Variants in ALS2 observed in about 807,000 individuals in gnomAD.
ALS2 encodes alsin.
In ALS2, 117 loss-of-function variants were observed where a neutral mutation model predicts 203.4. The observed-to-expected ratio is 0.58, with a 90% CI of 0.50 to 0.67. The LOEUF (loss-of-function observed/expected upper bound fraction) is 0.67, where lower values mean the gene tolerates loss of function less well. ALS2 is among the 30% of genes least tolerant of loss of function. ALS2 has a pLI of 0.00. For synonymous variants in ALS2, 718 were observed against 725.9 expected (o/e 0.99, Z 0.17); for missense variants, 1,715 against 1,989.4 (o/e 0.86, Z 2.62).
At chr2:201,719,865 G>A (rs533001365) in intron 23 of ALS2, 154 of 191,080 alleles carry the variant, frequency 8.1e-4, no homozygotes, top group Non-Finnish European at 1.4e-3. Flanking sequence ...AGATAACATA[G>A]AGAAATAGAA....
intron 4 of ALS2, 128 bp from the exon 5 acceptor site, chr2:201,757,887 C>T: frequency 4.3e-6 from 3 of 697,372 alleles, no homozygotes; most frequent in South Asian, 2.0e-5. Flanking sequence ...AAGTTCTCTT[C>T]ATCTTCAACT....
At position 201,727,569 on chromosome 2, in the gene ALS2, G is replaced by A; in HGVS notation, c.2912+136C>T. On this transcript the variant is annotated intron_variant, in intron 16 of 33. Coordinates refer to ENST00000264276, the MANE Select transcript of ALS2 (RefSeq NM_020919.4). ...TCAATAGACTACTTTACTGTCTAAT[G>A]TGCTGAGAGGTGGGCCTCATTATAC... is the stretch of plus-strand genomic sequence containing the variant. 1.4e-5 allele frequency: 11 copies of A among 782,566 alleles called. No individual in the cohort carries two copies. The South Asian group carries it at 1.7e-4, about 12-fold the overall frequency. The allele number at this position is 782,566 out of a possible 1,614,324, so 48.5% of individuals were successfully genotyped here.
chr2:201,707,414 G>A (rs1034538336), intron 28 of ALS2, among the ~76,000 whole-genome samples: 3 of 151,788 alleles, frequency 2.0e-5, no homozygotes, highest in African/African-American at 7.3e-5. Flanking sequence ...GACCTCAGAG[G>A]GGGCACCTAC....
At chr2:201,754,064 G>T (rs1284619777) in intron 6 of ALS2, among the ~76,000 whole-genome samples, 1 of 149,860 alleles carries the variant, frequency 6.7e-6, no homozygotes, top group Non-Finnish European at 1.5e-5. Context: ...AGGCTGAAGT[G>T]AAGTGGCACA....
At chr2:201,715,042 G>A (rs1690278334) in intron 25 of ALS2, among the ~76,000 whole-genome samples, 1 of 152,144 alleles carries the variant, frequency 6.6e-6, no homozygotes, top group African/African-American at 2.4e-5. Context: ...ATGGGGTTGG[G>A]GCTTGGCCTT....
chr2:201,759,773 A>C, intron 4 of ALS2: 1 of 985,292 alleles, frequency 1.0e-6, no homozygotes, highest in African/African-American at 1.7e-5. Flanking sequence ...AGAATTGAGA[A>C]TCAAGAGGCT....
In ALS2 at chr2:201,701,764, C is replaced by T; in HGVS notation, c.*87G>A. 2 of 1,280,534 alleles carry T rather than the reference C, an allele frequency of 1.6e-6. No homozygotes were observed. Among genetic ancestry groups the T allele is most frequent in the South Asian group, 1.2e-5 (1 of 83,246 alleles). 79.3% of individuals were successfully genotyped at this position (1,280,534 alleles called of 1,614,324 possible). On this transcript the variant is annotated 3_prime_UTR_variant, in exon 34 of 34. Coordinates refer to ENST00000264276, the MANE Select transcript of ALS2 (RefSeq NM_020919.4). The stretch of plus-strand genomic sequence containing the variant: ...CACAAAGTCCTTTCCAATTTCAACA[C>T]TGTTCTTTTTTGCCACTACAGGAAG...
At position 201,724,346 on chromosome 2, in the gene ALS2, T is replaced by C. The variant is rs375466856; in HGVS notation, c.3461A>G (p.Gln1154Arg). The change falls in exon 21 of 34, where the codon CAG (glutamine) becomes CGG (arginine). Residue 1154 changes from glutamine (Q) to arginine (R), a missense_variant. By Grantham distance (43) the Gln-to-Arg change is conservative (BLOSUM62 1). This residue lies in a region of ALS2 where 1,227 missense variants were observed against 1,413.5 expected (regional missense o/e 0.87). Coordinates refer to ENST00000264276, the MANE Select transcript of ALS2 (RefSeq NM_020919.4). ...TCCTGCTTTCTTATCCATTACCCAC[T>C]GGCCAATGAACATACTAGGAGAAGA... ...TSSSPSMFIG[Q>R]WVMDKKAGYG... 6.2e-7 allele frequency: 1 copy of C among 1,614,066 alleles called. No individual in the cohort carries two copies. The highest frequency in any genetic ancestry group is 1.7e-5 in the Admixed American group (1 of 60,028).
At chr2:201,780,086 A>G (rs1694827649) in intron 1 of ALS2, 1 of 152,228 alleles carries the variant, frequency 6.6e-6, no homozygotes, top group Admixed American at 6.5e-5. Flanking sequence ...TCTCCATCCT[A>G]AACCAGAAAG....
rs3219159 is a variant in ALS2, at chr2:201,746,415, G to A, written c.1998+151C>T. 7.4e-3 allele frequency: 6,150 copies of A among 832,574 alleles called. 41 individuals are homozygous for A. Among genetic ancestry groups the A allele is most frequent in the Non-Finnish European group, 9.6e-3 (4,735 of 492,496 alleles). The allele number at this position is 832,574 out of a possible 1,614,324, so 51.6% of individuals were successfully genotyped here. A position where few individuals can be genotyped will look rare whatever the true frequency, so the allele number is the denominator to read the frequency against. ...TAGGCCCTTTGGAGAGAGAAGATAA[G>A]GAGTGAAGGGGGCTTGAAAGGAGTT... On this transcript the variant is annotated intron_variant, in intron 9 of 33. Coordinates refer to ENST00000264276, the MANE Select transcript of ALS2 (RefSeq NM_020919.4).
At position 201,733,452 on chromosome 2, in the gene ALS2, A is replaced by T. The variant is rs78633310; in HGVS notation, c.2418-14T>A. The T allele has an allele frequency of 1.7e-5, 28 of 1,603,180 alleles. No homozygotes were observed. The highest frequency in any genetic ancestry group is 2.3e-5 in the Non-Finnish European group (27 of 1,172,728). On this transcript the variant is annotated splice_polypyrimidine_tract_variant and intron_variant, in intron 12 of 33. Coordinates refer to ENST00000264276, the MANE Select transcript of ALS2 (RefSeq NM_020919.4). Reference sequence around the variant, plus strand: ...TTTAGGAAATCACTAGAGGCAGAGGAAAAAAAAATTTAGTTAATCATTTTG... The same window carrying T: ...TTTAGGAAATCACTAGAGGCAGAGGTAAAAAAAATTTAGTTAATCATTTTG...
chr2:201,729,063 C>G lies in ALS2; in HGVS notation c.2701G>C (p.Gly901Arg). 1 of 1,614,026 alleles carries G rather than the reference C, an allele frequency of 6.2e-7. No individual in the cohort carries two copies. Among genetic ancestry groups the G allele is most frequent in the Non-Finnish European group, 8.5e-7 (1 of 1,179,984 alleles). ...CTGGCATGGCTTACCGTCATTTTTC[C>G]GGGGAAGGTCTTCCAGAAGCCCAGT... ...YTLGFWKTFP[G>R]KMTDSLRKPE... The change falls in exon 14 of 34, where the codon GGA (glycine) becomes CGA (arginine). Residue 901 changes from glycine to arginine, a missense_variant. This residue lies in a region of ALS2 where 1,227 missense variants were observed against 1,413.5 expected (regional missense o/e 0.87). Transcript: ENST00000264276.
At chr2:201,750,178 A>AAAAAAG (rs1553512602) in intron 7 of ALS2, among the ~76,000 whole-genome samples, 6 of 151,566 alleles carry the variant, frequency 4.0e-5, no homozygotes, top group African/African-American at 1.4e-4. Flanking sequence ...CAAAAAAAAA[A>AAAAAAG]AAAAGAAAAG....
intron 25 of ALS2, among the ~76,000 whole-genome samples, chr2:201,714,149 C>G (rs756967503): frequency 6.6e-6 from 1 of 152,156 alleles, no homozygotes; most frequent in Non-Finnish European, 1.5e-5. Flanking sequence ...AAAAAAGAAC[C>G]TGCTTATAAG....
intron 19 of ALS2, among the ~76,000 whole-genome samples, chr2:201,725,850 A>T (rs192708347): frequency 7.9e-5 from 12 of 152,334 alleles, no homozygotes; most frequent in Admixed American, 2.0e-4. Context: ...CTAACAATCT[A>T]TTAAAAAGAG....
At chr2:201,763,860 G>A (rs1050445231) in intron 3 of ALS2, among the ~76,000 whole-genome samples, 2 of 152,104 alleles carry the variant, frequency 1.3e-5, no homozygotes, top group Non-Finnish European at 2.9e-5. Context: ...CTTGGCTACG[G>A]GTTTTAAAAA....
chr2:201,708,478 C>T (rs1689858008), intron 27 of ALS2, among the ~76,000 whole-genome samples: 1 of 152,152 alleles, frequency 6.6e-6, no homozygotes, highest in African/African-American at 2.4e-5. Context: ...AAAGTCTGGG[C>T]TTCTGGTGTA....
intron 5 of ALS2, among the ~76,000 whole-genome samples, chr2:201,755,375 G>A (rs1424932429): frequency 6.6e-6 from 1 of 151,960 alleles, no homozygotes; most frequent in East Asian, 1.9e-4. Context: ...TGATTCTCCT[G>A]CCTCAGCCTC....
intron 23 of ALS2, among the ~76,000 whole-genome samples, chr2:201,720,539 C>CAAAAAAAAAAAAAAA (rs34418114): frequency 1.5e-5 from 1 of 66,524 alleles, no homozygotes; most frequent in Non-Finnish European, 2.8e-5. Flanking sequence ...TCTGTCTCTA[C>CAAAAAAAAAAAAAAA]AAAAAAAAAA....
Sources: gnomAD v4.1 joint callset for allele counts (sites outside exome capture counted in the v4.1 genomes callset) on GRCh38, gnomAD v4.1.1 for gene constraint, gnomAD v4.1.1 regional missense constraint, MANE v1.5 for transcripts, NCBI Gene and HGNC (gene_info 2026-07-23, HGNC 2026-07-21) for gene names.